The following MDGA2 variants were observed in gnomAD, a reference collection of about 807,000 sequenced individuals.
The protein encoded by MDGA2 is MAM domain-containing glycosylphosphatidylinositol anchor protein 2.
In MDGA2, 40 loss-of-function variants were observed where a neutral mutation model predicts 117.8. The observed-to-expected ratio is 0.34, with a 90% CI of 0.26 to 0.44. The LOEUF is 0.44. Ranked by LOEUF, MDGA2 falls within the 20% of genes least tolerant of loss-of-function variation. The pLI is 1.00. For synonymous variants in MDGA2, 452 were observed against 439.0 expected, an observed-to-expected ratio of 1.03 and a Z score of -0.37; for missense variants, 1,123 against 1,250.6, an observed-to-expected ratio of 0.90 and a Z score of 1.54.
intron 1 of MDGA2, among the ~76,000 whole-genome samples, chr14:47,530,639 G>A (rs372071554): frequency 2.0e-5 from 3 of 151,992 alleles, no homozygotes; most frequent in East Asian, 1.9e-4. Context: ...TGGCGGCATC[G>A]CAGGACCAGA....
At chr14:47,045,976 G>A (rs1333861298) in intron 7 of MDGA2, among the ~76,000 whole-genome samples, 1 of 150,666 alleles carries the variant, frequency 6.6e-6, no homozygotes, top group Non-Finnish European at 1.5e-5. Context: ...AAAAAAAAGG[G>A]GGAACATCAC....
At chr14:47,366,947 T>G (rs1891244683) in intron 1 of MDGA2, among the ~76,000 whole-genome samples, 1 of 148,786 alleles carries the variant, frequency 6.7e-6, no homozygotes, top group South Asian at 2.1e-4. Flanking sequence ...AAAATAGAAT[T>G]TGTATGTGAA....
At chr14:47,108,274 T>A (rs1880837035) in intron 5 of MDGA2, among the ~76,000 whole-genome samples, 1 of 152,080 alleles carries the variant, frequency 6.6e-6, no homozygotes, top group Non-Finnish European at 1.5e-5. Flanking sequence ...ACTTCAACAC[T>A]ATTTTGTTTT....
At chr14:46,947,390 A>T (rs1028348019) in intron 9 of MDGA2, among the ~76,000 whole-genome samples, 5 of 152,086 alleles carry the variant, frequency 3.3e-5, no homozygotes, top group African/African-American at 1.2e-4. Flanking sequence ...ATTTAAATTT[A>T]TCAGAGCATG....
chr14:47,461,432 A>AT (rs1893484650), intron 1 of MDGA2, among the ~76,000 whole-genome samples: 1 of 152,150 alleles, frequency 6.6e-6, no homozygotes, highest in African/African-American at 2.4e-5. Context: ...AACAGAGGGG[A>AT]TTCAAACCTA....
At chr14:46,910,495 G>C (rs180842309) in intron 10 of MDGA2, among the ~76,000 whole-genome samples, 1 of 151,980 alleles carries the variant, frequency 6.6e-6, no homozygotes, top group African/African-American at 2.4e-5. Context: ...AAAATAATAA[G>C]AGCCATCTAT....
Position 47,131,651 on chromosome 14 carries a change from AAG to A in MDGA2, c.925+61_925+62del, listed in dbSNP as rs1344540647. 2.3e-6 allele frequency: 3 copies of A among 1,329,408 alleles called. No individual in the cohort carries two copies. In the African/African-American group the frequency reaches 4.4e-5, roughly 19 times the overall value. 82.4% of individuals were successfully genotyped at this position (1,329,408 alleles called of 1,614,324 possible). A position where few individuals can be genotyped will look rare whatever the true frequency, so the allele number is the denominator to read the frequency against. On this transcript the variant is annotated intron_variant, in intron 5 of 16. Transcript: ENST00000399232. ...AATCATTTGGTCTTTAAAAAAGTTA[AAG>A]AGAGTTTTTAAACATTAGTTGTAGA...
intron 1 of MDGA2, among the ~76,000 whole-genome samples, chr14:47,399,258 G>C (rs1228294241): frequency 6.6e-6 from 1 of 152,126 alleles, no homozygotes; most frequent in African/African-American, 2.4e-5. Context: ...AAAAGAAAAA[G>C]GAGGAGGAAC....
chr14:47,593,395 G>T (rs546651263), intron 1 of MDGA2, among the ~76,000 whole-genome samples: 1 of 152,184 alleles, frequency 6.6e-6, no homozygotes, highest in East Asian at 1.9e-4. Context: ...ATACCCAAAG[G>T]AATGTATCAT....
intron 1 of MDGA2, among the ~76,000 whole-genome samples, chr14:47,459,588 A>C (rs184077462): frequency 1.1e-5 from 1 of 91,960 alleles, no homozygotes; most frequent in Admixed American, 1.2e-4. Flanking sequence ...TTCCTGTTTT[A>C]TTTCTTTTCT....
chr14:47,371,402 G>A (rs1340078050), intron 1 of MDGA2, among the ~76,000 whole-genome samples: 2 of 151,664 alleles, frequency 1.3e-5, no homozygotes, highest in East Asian at 1.9e-4. Context: ...CTAAATTAAT[G>A]TACTGACTCT....
intron 1 of MDGA2, among the ~76,000 whole-genome samples, chr14:47,600,656 C>T (rs937496949): frequency 6.6e-6 from 1 of 151,532 alleles, no homozygotes; most frequent in Non-Finnish European, 1.5e-5. Context: ...TTATGTTTCA[C>T]AACTCCAACC....
chr14:47,175,828 G>C lies in MDGA2; in HGVS notation c.596-31554C>G, dbSNP rs188929846. Reference sequence around the variant, plus strand: ...AATTAAGCAGGAGAAGGAAATAAAGGGTATTCAATTAGGAAAAGAGGAAGT... The same window carrying C: ...AATTAAGCAGGAGAAGGAAATAAAGCGTATTCAATTAGGAAAAGAGGAAGT... On this transcript the variant is annotated intron_variant, in intron 3 of 16. Coordinates refer to ENST00000399232, the MANE Select transcript of MDGA2 (RefSeq NM_001113498.3). Among the ~76,000 whole-genome samples, 898 of 150,522 alleles carry C rather than the reference G, an allele frequency of 6.0e-3. 3 individuals carry two copies. Among genetic ancestry groups the C allele is most frequent in the Middle Eastern group, 0.02 (6 of 294 alleles).
chr14:47,595,563 A>C (rs1209188372), intron 1 of MDGA2, among the ~76,000 whole-genome samples: 5 of 150,636 alleles, frequency 3.3e-5, no homozygotes, highest in South Asian at 4.2e-4. Flanking sequence ...AAAACAAAAA[A>C]AAAAAAAACC....
intron 1 of MDGA2, among the ~76,000 whole-genome samples, chr14:47,338,629 C>A (rs954792193): frequency 6.6e-6 from 1 of 151,890 alleles, no homozygotes; most frequent in African/African-American, 2.4e-5. Flanking sequence ...TTAGTCAATC[C>A]GTCAAGTTAA....
intron 1 of MDGA2, among the ~76,000 whole-genome samples, chr14:47,658,200 TTGTC>T (rs1381697689): frequency 6.6e-6 from 1 of 152,124 alleles, no homozygotes; most frequent in Non-Finnish European, 1.5e-5. Flanking sequence ...TAAATCCTGA[TTGTC>T]TGGAGGTGGC....
chr14:46,935,669 A>G (rs1169087148), intron 9 of MDGA2, among the ~76,000 whole-genome samples: 1 of 152,130 alleles, frequency 6.6e-6, no homozygotes, highest in Non-Finnish European at 1.5e-5. Context: ...TTCTTGCTCC[A>G]TCTTCCACCA....
chr14:47,545,907 T>C (rs1014364355), intron 1 of MDGA2, among the ~76,000 whole-genome samples: 1 of 152,170 alleles, frequency 6.6e-6, no homozygotes, highest in African/African-American at 2.4e-5. Context: ...GCCCACTTTA[T>C]GAACAGGTTG....
intron 14 of MDGA2, among the ~76,000 whole-genome samples, chr14:46,861,885 C>G (rs1045696343): frequency 1.1e-4 from 17 of 151,882 alleles, no homozygotes; most frequent in African/African-American, 4.1e-4. Context: ...GTCAAGTCAT[C>G]TTGGTCAACA....
Sources: gnomAD v4.1 joint callset for allele counts (sites outside exome capture counted in the v4.1 genomes callset) on GRCh38, gnomAD v4.1.1 for gene constraint, MANE v1.5 for transcripts, NCBI Gene and HGNC (gene_info 2026-07-23, HGNC 2026-07-21) for gene names.